EPS15: variants seen among roughly 807,000 people sequenced by gnomAD.
The protein encoded by EPS15 is epidermal growth factor receptor substrate 15.
A neutral mutation model predicts 113.8 loss-of-function variants in EPS15; 72 were observed. That is an observed-to-expected ratio of 0.63 (90% CI 0.52 to 0.77). The LOEUF (loss-of-function observed/expected upper bound fraction) is 0.77. Ranked by LOEUF, EPS15 falls within the 30% of genes least tolerant of loss-of-function variation. The probability of loss-of-function intolerance (pLI) is 0.00; values close to 1 mark genes in which losing one functional copy is unlikely to be tolerated. For missense variants in EPS15, 1,048 were observed against 1,045.8 expected, an observed-to-expected ratio of 1.00 and a Z score of -0.03; for synonymous variants, 344 against 363.4, an observed-to-expected ratio of 0.95 and a Z score of 0.61.
Position 51,409,668 on chromosome 1 carries a change from T to C in EPS15, c.1142A>G (p.Asn381Ser), listed in dbSNP as rs948849789. ...QDLQDEVQRE[N>S]TNLQKLQAQK... is the part of the protein sequence containing the mutation. ...GGCCTGTAGTTTTTGCAGATTAGTA[T>C]TCTCCCTTTGAACTTCATCTTGAAG... The change falls in exon 14 of 25, where the codon AAT becomes AGT. Residue 381 changes from asparagine (N) to serine (S), a missense_variant. Physicochemically the swap from Asn to Ser is conservative, Grantham distance 46. Transcript: ENST00000371733. 4.3e-6 allele frequency: 7 copies of C among 1,611,844 alleles called. No homozygotes were observed. In the African/African-American group the frequency reaches 6.7e-5, roughly 15 times the overall value.
intron 13 of EPS15, among the ~76,000 whole-genome samples, chr1:51,417,479 A>G (rs1267867014): frequency 1.3e-5 from 2 of 152,236 alleles, no homozygotes; most frequent in Non-Finnish European, 2.9e-5. Context: ...ATATAATGAA[A>G]AATATGATCC....
At chr1:51,408,451 CA>C (rs1649350181) in intron 14 of EPS15, 119 bp from the exon 15 acceptor site, 1 of 688,384 alleles carries the variant, frequency 1.5e-6, no homozygotes, top group Non-Finnish European at 2.5e-6. Context: ...TTTTTGACAG[CA>C]ATAGCAAATA....
At chr1:51,483,543 T>C (rs902592611) in intron 1 of EPS15, among the ~76,000 whole-genome samples, 3 of 151,728 alleles carry the variant, frequency 2.0e-5, no homozygotes, top group Non-Finnish European at 2.9e-5. Flanking sequence ...CACGGTGGCA[T>C]GTGCCTGTAA....
intron 1 of EPS15, among the ~76,000 whole-genome samples, chr1:51,508,217 A>AGAAAAGAAAAGAAAAGAAAAG (rs1644534206): frequency 7.8e-6 from 1 of 128,866 alleles, no homozygotes; most frequent in Admixed American, 8.1e-5. Context: ...AGAAAAGAAA[A>AGAAAAGAAAAGAAAAGAAAAG]GAAAAGAAAA....
chr1:51,478,885 A>T (rs1643967264), intron 2 of EPS15, among the ~76,000 whole-genome samples: 1 of 152,136 alleles, frequency 6.6e-6, no homozygotes, highest in Admixed American at 6.6e-5. Flanking sequence ...GGCTGCTCTT[A>T]ACATTTTTTC....
At position 51,519,260 on chromosome 1, in the gene EPS15, G is replaced by A. The variant is rs1258105378; in HGVS notation, c.-29C>T. The A allele has an allele frequency of 7.7e-7, 1 of 1,297,168 alleles. No individual in the cohort carries two copies. The highest frequency in any genetic ancestry group is 3.2e-5 in the East Asian group (1 of 30,838). The allele number at this position is 1,297,168 out of a possible 1,614,324, so 80.4% of individuals were successfully genotyped here. On this transcript the variant is annotated 5_prime_UTR_variant, in exon 1 of 25. Coordinates refer to ENST00000371733, the MANE Select transcript of EPS15 (RefSeq NM_001981.3). ...GTTTCCATCATGCAAGGGAGGGGAA[G>A]GAAGACGGGCTGACTGGGGCTCGGG...
At chr1:51,369,137 T>TACC (rs1339313797) in intron 21 of EPS15, among the ~76,000 whole-genome samples, 1 of 152,220 alleles carries the variant, frequency 6.6e-6, no homozygotes, top group African/African-American at 2.4e-5. Context: ...CAAAATTAAT[T>TACC]TTAAAAAGGA....
chr1:51,500,735 A>C (rs1644397284), intron 1 of EPS15, among the ~76,000 whole-genome samples: 1 of 152,186 alleles, frequency 6.6e-6, no homozygotes, highest in Non-Finnish European at 1.5e-5. Flanking sequence ...CTGTAATCCC[A>C]GCACTTTGGG....
chr1:51,375,713 C>T (rs1646780951), intron 21 of EPS15, among the ~76,000 whole-genome samples: 1 of 152,164 alleles, frequency 6.6e-6, no homozygotes, highest in Non-Finnish European at 1.5e-5. Flanking sequence ...ATAATAATAA[C>T]TAATTCTCCT....
At chr1:51,382,665 C>T (rs1380222516) in intron 21 of EPS15, among the ~76,000 whole-genome samples, 12 of 152,128 alleles carry the variant, frequency 7.9e-5, no homozygotes, top group South Asian at 2.1e-4. Context: ...GTGATCCACC[C>T]GCCTCAGCCT....
intron 21 of EPS15, among the ~76,000 whole-genome samples, chr1:51,379,213 G>C (rs909430540): frequency 6.6e-6 from 1 of 152,070 alleles, no homozygotes; most frequent in Non-Finnish European, 1.5e-5. Context: ...TCTGCCTCCC[G>C]GGTTCAAGTG....
At chr1:51,505,779 A>T (rs894963604) in intron 1 of EPS15, among the ~76,000 whole-genome samples, 4 of 152,058 alleles carry the variant, frequency 2.6e-5, no homozygotes, top group African/African-American at 7.2e-5. Flanking sequence ...ATGTTTAAAT[A>T]TTTTATTTTA....
At position 51,471,831 on chromosome 1, in the gene EPS15, T is replaced by G. The variant is rs577453694; in HGVS notation, c.166-94A>C. The G allele has an allele frequency of 1.3e-5, 12 of 898,670 alleles. No individual in the cohort carries two copies. The African/African-American group carries it at 1.8e-4, about 14-fold the overall frequency. The allele number at this position is 898,670 out of a possible 1,614,324, so 55.7% of individuals were successfully genotyped here. A position where few individuals can be genotyped will look rare whatever the true frequency, so the allele number is the denominator to read the frequency against. On this transcript the variant is annotated intron_variant, in intron 3 of 24. Coordinates refer to ENST00000371733, the MANE Select transcript of EPS15 (RefSeq NM_001981.3). The stretch of plus-strand genomic sequence containing the variant: ...CTCTGCTATTTACAACCTCAGGCTC[T>G]CTGGTAATCAGATCTAAGAATCATA...
intron 1 of EPS15, among the ~76,000 whole-genome samples, chr1:51,486,487 G>A (rs1179763717): frequency 6.6e-6 from 1 of 150,876 alleles, no homozygotes; most frequent in African/African-American, 2.4e-5. Flanking sequence ...TAAATCTGGT[G>A]GAACATATAA....
chr1:51,458,310 TA>T (rs59224706), intron 8 of EPS15: 4,837 of 143,054 alleles, frequency 0.034, 80 homozygotes, highest in African/African-American at 0.055. Flanking sequence ...AGCTTTTTAT[TA>T]AAAAAAAAAA....
In EPS15 at chr1:51,446,945, C is replaced by A; in HGVS notation, c.797+15G>T. The A allele has an allele frequency of 6.4e-7, 1 of 1,565,532 alleles. No homozygotes were observed. Among genetic ancestry groups the A allele is most frequent in the South Asian group, 1.2e-5 (1 of 83,952 alleles). The stretch of plus-strand genomic sequence containing the variant: ...AAACCATATTTTTAAAAAATCAATT[C>A]AAATAAAGTCTTACCATATATGGGC... On this transcript the variant is annotated intron_variant, in intron 10 of 24. Coordinates refer to ENST00000371733, the MANE Select transcript of EPS15 (RefSeq NM_001981.3).
At chr1:51,466,490 G>A (rs58809387) in intron 5 of EPS15, among the ~76,000 whole-genome samples, 2,107 of 151,772 alleles carry the variant, frequency 0.014, 52 homozygotes, top group African/African-American at 0.049. Context: ...GGGTGTGGTG[G>A]TGGGTGCCTG....
chr1:51,385,680 C>G (rs1647048856), intron 21 of EPS15, among the ~76,000 whole-genome samples: 1 of 151,930 alleles, frequency 6.6e-6, no homozygotes, highest in African/African-American at 2.4e-5. Flanking sequence ...AACAAATAAA[C>G]AAAATGCAGT....
chr1:51,492,145 G>C (rs2148538694), intron 1 of EPS15, among the ~76,000 whole-genome samples: 2 of 152,090 alleles, frequency 1.3e-5, no homozygotes, highest in Middle Eastern at 6.8e-3. Context: ...CGCTGTGCCT[G>C]GCCCTCATTT....
Sources: allele counts gnomAD v4.1 joint callset (sites outside exome capture counted in the v4.1 genomes callset), GRCh38; gene constraint gnomAD v4.1.1; transcripts MANE v1.5; gene names NCBI Gene and HGNC (gene_info 2026-07-23, HGNC 2026-07-21).